CNTNAP2: variants seen among roughly 807,000 people sequenced by gnomAD.
The protein encoded by CNTNAP2 is contactin-associated protein-like 2.
CNTNAP2 carries 98 observed loss-of-function variants against 155.2 expected under a neutral mutation model. The observed-to-expected ratio is 0.63, with a 90% CI of 0.54 to 0.75. The LOEUF (loss-of-function observed/expected upper bound fraction) is 0.75, where lower values mean the gene tolerates loss of function less well. CNTNAP2 is among the 30% of genes least tolerant of loss of function. CNTNAP2 has a pLI of 0.00. For missense variants in CNTNAP2, 1,727 were observed against 1,688.1 expected (o/e 1.02, Z -0.40); for synonymous variants, 651 against 631.2 (o/e 1.03, Z -0.47).
At chr7:146,762,968 G>T (rs1802129486) in intron 1 of CNTNAP2, among the ~76,000 whole-genome samples, 1 of 152,108 alleles carries the variant, frequency 6.6e-6, no homozygotes, top group Non-Finnish European at 1.5e-5. Flanking sequence ...GATGCGATTT[G>T]GGTGGGGACA....
intron 10 of CNTNAP2, among the ~76,000 whole-genome samples, chr7:147,481,599 G>A (rs1798424064): frequency 6.6e-6 from 1 of 152,174 alleles, no homozygotes; most frequent in Non-Finnish European, 1.5e-5. Flanking sequence ...GAGTCTAAAT[G>A]AATTTTATTT....
intron 1 of CNTNAP2, among the ~76,000 whole-genome samples, chr7:146,381,114 C>G (rs1357894379): frequency 6.6e-6 from 1 of 152,054 alleles, no homozygotes; most frequent in Non-Finnish European, 1.5e-5. Context: ...TTCTTATATA[C>G]TCACCTCCCA....
intron 1 of CNTNAP2, among the ~76,000 whole-genome samples, chr7:146,225,624 A>G (rs1460252915): frequency 6.6e-6 from 1 of 152,200 alleles, no homozygotes; most frequent in Non-Finnish European, 1.5e-5. Flanking sequence ...TTAGCAGTGC[A>G]CAGACAGTCA....
chr7:148,187,177 C>T (rs750900791), intron 18 of CNTNAP2, among the ~76,000 whole-genome samples: 3 of 151,836 alleles, frequency 2.0e-5, no homozygotes, highest in East Asian at 3.9e-4. Flanking sequence ...CTGGACCTGT[C>T]GGTTTCTAAC....
intron 1 of CNTNAP2, among the ~76,000 whole-genome samples, chr7:146,224,914 A>G (rs1270216135): frequency 1.3e-5 from 2 of 152,322 alleles, no homozygotes; most frequent in East Asian, 1.9e-4. Context: ...GTATAAAATA[A>G]CAGAAATGCC....
intron 15 of CNTNAP2, among the ~76,000 whole-genome samples, chr7:148,002,183 A>T (rs1313407921): frequency 6.6e-6 from 1 of 152,186 alleles, no homozygotes; most frequent in Non-Finnish European, 1.5e-5. Context: ...TTAGAGTTTG[A>T]TGGTTTAACT....
chr7:148,375,346 ATATAG>A (rs1473036198), intron 21 of CNTNAP2, among the ~76,000 whole-genome samples: 1 of 147,896 alleles, frequency 6.8e-6, no homozygotes, highest in East Asian at 1.9e-4. Flanking sequence ...TTTTATATAT[ATATAG>A]TATATTATAT....
intron 15 of CNTNAP2, among the ~76,000 whole-genome samples, chr7:148,106,098 G>T (rs150960396): frequency 1.3e-5 from 2 of 152,176 alleles, no homozygotes; most frequent in African/African-American, 4.8e-5. Flanking sequence ...TTGACTGGAT[G>T]CTAAGGAAGG....
chr7:146,382,892 AT>A (rs950090197), intron 1 of CNTNAP2, among the ~76,000 whole-genome samples: 35 of 152,310 alleles, frequency 2.3e-4, no homozygotes, highest in African/African-American at 7.7e-4. Flanking sequence ...TAGATGAAGA[AT>A]TTGAAACGAC....
At chr7:147,989,092 GC>G (rs1349265936) in intron 15 of CNTNAP2, among the ~76,000 whole-genome samples, 1 of 152,196 alleles carries the variant, frequency 6.6e-6, no homozygotes, top group Non-Finnish European at 1.5e-5. Flanking sequence ...ATGTAGTTGT[GC>G]TTTACAAACA....
chr7:146,795,881 C>G (rs758561358), intron 2 of CNTNAP2, among the ~76,000 whole-genome samples: 1 of 151,876 alleles, frequency 6.6e-6, no homozygotes, highest in African/African-American at 2.4e-5. Context: ...TATAATAACC[C>G]GAAAATGAAA....
At chr7:146,862,802 G>T (rs896908621) in intron 3 of CNTNAP2, among the ~76,000 whole-genome samples, 2 of 152,098 alleles carry the variant, frequency 1.3e-5, no homozygotes, top group African/African-American at 4.8e-5. Context: ...CATAAACATC[G>T]CCCTGTCTGT....
At chr7:146,187,531 G>A (rs1307212574) in intron 1 of CNTNAP2, among the ~76,000 whole-genome samples, 1 of 152,198 alleles carries the variant, frequency 6.6e-6, no homozygotes, top group African/African-American at 2.4e-5. Flanking sequence ...ATTGTCTTGT[G>A]ATTCTTTGTG....
chr7:146,831,912 A>G (rs1477214020), intron 2 of CNTNAP2, among the ~76,000 whole-genome samples: 4 of 152,068 alleles, frequency 2.6e-5, no homozygotes, highest in Non-Finnish European at 1.5e-5. Context: ...AATAGCTTTC[A>G]AGCTCTTTTG....
At chr7:146,146,532 G>C (rs1430584060) in intron 1 of CNTNAP2, among the ~76,000 whole-genome samples, 1 of 151,920 alleles carries the variant, frequency 6.6e-6, no homozygotes, top group Non-Finnish European at 1.5e-5. Context: ...GTTATTTATT[G>C]CAAAGGGATT....
At chr7:146,220,140 G>C (rs1220403744) in intron 1 of CNTNAP2, among the ~76,000 whole-genome samples, 1 of 152,028 alleles carries the variant, frequency 6.6e-6, no homozygotes. Context: ...AATTACCGTT[G>C]ATATATTTTA....
At chr7:147,919,799 C>CAACG (rs1326113225) in intron 14 of CNTNAP2, among the ~76,000 whole-genome samples, 1 of 151,412 alleles carries the variant, frequency 6.6e-6, no homozygotes, top group Non-Finnish European at 1.5e-5. Context: ...GTTGCTCAGG[C>CAACG]CAGTCTGGAA....
At chr7:147,252,375 G>A (rs150655648) in intron 8 of CNTNAP2, among the ~76,000 whole-genome samples, 16 of 152,272 alleles carry the variant, frequency 1.1e-4, no homozygotes, top group African/African-American at 3.6e-4. Flanking sequence ...TTCAGGAAGG[G>A]CTGTGAATTA....
intron 18 of CNTNAP2, among the ~76,000 whole-genome samples, chr7:148,178,861 A>T (rs187192568): frequency 4.6e-5 from 7 of 152,166 alleles, no homozygotes; most frequent in Non-Finnish European, 1.0e-4. Context: ...TACTTAATTC[A>T]TGTTGTCCTT....
Sources: gnomAD v4.1 joint callset for allele counts (sites outside exome capture counted in the v4.1 genomes callset) on GRCh38, gnomAD v4.1.1 for gene constraint, MANE v1.5 for transcripts, NCBI Gene and HGNC (gene_info 2026-07-23, HGNC 2026-07-21) for gene names.